KCTD2: variants seen among roughly 807,000 people sequenced by gnomAD.
KCTD2 encodes potassium channel tetramerization domain containing 2.
In KCTD2, 18 loss-of-function variants were observed where a neutral mutation model predicts 27.9. That is an observed-to-expected ratio of 0.64 (90% confidence interval 0.45 to 0.96). The LOEUF (loss-of-function observed/expected upper bound fraction) is 0.96. KCTD2 is among the 40% of genes least tolerant of loss of function. The probability of loss-of-function intolerance (pLI) is 0.00; values close to 1 mark genes in which losing one functional copy is unlikely to be tolerated. For missense variants in KCTD2, 280 were observed against 348.0 expected (o/e 0.80, Z 1.56); for synonymous variants, 175 against 148.4 (o/e 1.18, Z -1.30).
rs1395246420 is a variant in KCTD2, at chr17:75,063,388, A to G, written c.*341A>G. On this transcript the variant is annotated 3_prime_UTR_variant, in exon 6 of 6. Coordinates refer to ENST00000322444, the MANE Select transcript of KCTD2 (RefSeq NM_015353.3). ...GGGCGGAAGGCCTAGCTCCTTGGAA[A>G]TGGCCTGTACTTTAAGGACGCTGGA... 3.0e-6 allele frequency: 1 copy of G among 337,148 alleles called. No homozygotes were observed. 20.9% of individuals were successfully genotyped at this position (337,148 alleles called of 1,614,324 possible). A position where few individuals can be genotyped will look rare whatever the true frequency, so the allele number is the denominator to read the frequency against.
chr17:75,037,596 C>A (rs975852067), intron 3 of KCTD2, among the ~76,000 whole-genome samples: 1 of 152,208 alleles, frequency 6.6e-6, no homozygotes, highest in Non-Finnish European at 1.5e-5. Context: ...GGTCCTCTGA[C>A]TTTAAGGACA....
Position 75,047,314 on chromosome 17 carries a change from G to A in KCTD2, c.64G>A (p.Gly22Ser), listed in dbSNP as rs1598119572. ...GLGGGGGSGV[G>S]DGGGPVRGPP... ...GGGAGGGGGCGGCGGGAGTGGGGTG[G>A]GCGACGGGGGTGGCCCAGTCCGCGG... The change falls in exon 1 of 6, where the codon GGC becomes AGC. Residue 22 changes from glycine to serine, a missense_variant. Coordinates refer to ENST00000322444, the MANE Select transcript of KCTD2 (RefSeq NM_015353.3). 1 of 1,165,074 alleles carries A rather than the reference G, an allele frequency of 8.6e-7. No homozygotes were observed. Among genetic ancestry groups the A allele is most frequent in the Non-Finnish European group, 1.1e-6 (1 of 943,984 alleles). The allele number at this position is 1,165,074 out of a possible 1,614,324, so 72.2% of individuals were successfully genotyped here.
rs1345695810 is a variant in KCTD2 at position 75,047,442 on chromosome 17, G to A, written c.192G>A (p.Arg64=). ...PLEPGPGPPE[R]AGGGGAARWV... ...AGCCGGGTCCCGGACCACCCGAGCG[G>A]GCAGGGGGCGGCGGCGCGGCCCGCT... Residue 64 remains arginine (R), a synonymous_variant, in exon 1 of 6, where the codon CGG becomes CGA. Coordinates refer to ENST00000322444, the MANE Select transcript of KCTD2 (RefSeq NM_015353.3). The A allele has an allele frequency of 6.6e-7, 1 of 1,513,844 alleles. No homozygotes were observed. Among genetic ancestry groups the A allele is most frequent in the Non-Finnish European group, 8.8e-7 (1 of 1,131,332 alleles). The allele number at this position is 1,513,844 out of a possible 1,614,324, so 93.8% of individuals were successfully genotyped here. A position where few individuals can be genotyped will look rare whatever the true frequency, so the allele number is the denominator to read the frequency against.
Position 75,049,429 on chromosome 17 carries a change from G to A in KCTD2, c.448+101G>A, listed in dbSNP as rs1045550386. The A allele has an allele frequency of 1.2e-5, 9 of 732,006 alleles. No individual in the cohort carries two copies. In the Admixed American group the frequency reaches 2.0e-4, roughly 17 times the overall value. The allele number at this position is 732,006 out of a possible 1,614,324, so 45.3% of individuals were successfully genotyped here. The stretch of plus-strand genomic sequence containing the variant: ...TGTTTGACATTTTCATCAGGCGCAT[G>A]TGCAGGTATAGTTTCAGGTTTATGA... On this transcript the variant is annotated intron_variant, in intron 2 of 5. Transcript: ENST00000322444.
intron 3 of KCTD2, among the ~76,000 whole-genome samples, chr17:75,054,331 C>G (rs1337369640): frequency 6.6e-6 from 1 of 152,062 alleles, no homozygotes; most frequent in Non-Finnish European, 1.5e-5. Flanking sequence ...GATATTAACT[C>G]AGATACAGTA....
chr17:75,042,376 C>A, upstream of KCTD2: 1 of 1,494,366 alleles, frequency 6.7e-7, no homozygotes, highest in Non-Finnish European at 9.2e-7. Context: ...TGGAGGGTCA[C>A]CACACTTTCC....
chr17:75,040,432 T>C (rs2073147363), intron 3 of KCTD2: 1 of 439,312 alleles, frequency 2.3e-6, no homozygotes, highest in South Asian at 3.3e-5. Context: ...GATGATAAGC[T>C]TCATTTTCTT....
intron 2 of KCTD2, among the ~76,000 whole-genome samples, chr17:75,051,994 A>G (rs1321626601): frequency 6.6e-6 from 1 of 152,132 alleles, no homozygotes; most frequent in Non-Finnish European, 1.5e-5. Flanking sequence ...TTTGGCCCAC[A>G]TAAATTTGTA....
intron 3 of KCTD2, chr17:75,041,731 G>T (rs2073162917): frequency 6.5e-6 from 1 of 153,648 alleles, no homozygotes; most frequent in South Asian, 2.1e-4. Context: ...CATTTAACTT[G>T]AAAGCCCCCT....
At chr17:75,056,159 T>C (rs183368449) in intron 3 of KCTD2, among the ~76,000 whole-genome samples, 38 of 152,364 alleles carry the variant, frequency 2.5e-4, no homozygotes, top group African/African-American at 8.4e-4. Context: ...GGCTTATTCA[T>C]TTAGTTTTCT....
upstream of KCTD2, among the ~76,000 whole-genome samples, chr17:75,043,213 T>A (rs878896839): frequency 1.3e-5 from 2 of 151,628 alleles, no homozygotes; most frequent in African/African-American, 4.9e-5. Context: ...ACAGCAAGAG[T>A]CCGTCTCAAA....
chr17:75,042,020 C>G, intron 3 of KCTD2: 1 of 604,232 alleles, frequency 1.7e-6, no homozygotes, highest in Non-Finnish European at 2.9e-6. Context: ...ATTCCTGCAC[C>G]TATTTACAGT....
rs2073136549 is a variant in KCTD2, at chr17:75,039,507, G to A, written c.-259+4150G>A. On this transcript the variant is annotated intron_variant, in intron 3 of 7. Coordinates refer to the KCTD2 transcript ENST00000581589. ...TGGCAGCACCCGGCTGCTTCTGCAAGTTCCTCATCCGAAGACCTACAGAAT... is the reference window on the plus strand; with the variant it reads ...TGGCAGCACCCGGCTGCTTCTGCAAATTCCTCATCCGAAGACCTACAGAAT... The A allele has an allele frequency of 5.8e-6, 3 of 516,766 alleles. 1 individual carries two copies. The South Asian group carries it at 7.1e-5, about 12-fold the overall frequency. 32.0% of individuals were successfully genotyped at this position (516,766 alleles called of 1,614,324 possible).
At chr17:75,060,621 A>G (rs2073394893) in intron 4 of KCTD2, 3 of 1,590,520 alleles carry the variant, frequency 1.9e-6, no homozygotes, top group Admixed American at 3.5e-5. Context: ...CGCCAGGTTC[A>G]TGGCTGGGCG....
intron 2 of KCTD2, among the ~76,000 whole-genome samples, chr17:75,050,668 C>G (rs1282212740): frequency 6.6e-6 from 1 of 152,096 alleles, no homozygotes; most frequent in Admixed American, 6.5e-5. Context: ...ATTCAATTAC[C>G]CTCTTTTAGT....
intron 5 of KCTD2, 112 bp downstream of exon 5, chr17:75,062,357 C>T (rs1018843812): frequency 3.9e-6 from 4 of 1,037,870 alleles, no homozygotes; most frequent in African/African-American, 3.3e-5. Context: ...CTAGAGCCAG[C>T]GTTGCATTTT....
intron 2 of KCTD2, among the ~76,000 whole-genome samples, chr17:75,051,442 G>A (rs886433427): frequency 1.8e-4 from 28 of 151,512 alleles, no homozygotes; most frequent in African/African-American, 6.8e-4. Flanking sequence ...ATGCCACCAC[G>A]CCTGGCTAAT....
Position 75,063,089 on chromosome 17 carries a change from G to A in KCTD2, c.*42G>A. On this transcript the variant is annotated 3_prime_UTR_variant, in exon 6 of 6. Coordinates refer to ENST00000322444, the MANE Select transcript of KCTD2 (RefSeq NM_015353.3). Reference sequence around the variant, plus strand: ...CTCCAGACCTTCAGGAGAGCAGTCAGCAGAGCCCCTCTGTGAAGTGAAACC... The same window carrying A: ...CTCCAGACCTTCAGGAGAGCAGTCAACAGAGCCCCTCTGTGAAGTGAAACC... 1 of 1,592,156 alleles carries A rather than the reference G, an allele frequency of 6.3e-7. No homozygotes were observed. Among genetic ancestry groups the A allele is most frequent in the Non-Finnish European group, 8.6e-7 (1 of 1,160,878 alleles).
At chr17:75,051,115 AGGC>A (rs1387391012) in intron 2 of KCTD2, among the ~76,000 whole-genome samples, 1 of 150,758 alleles carries the variant, frequency 6.6e-6, no homozygotes, top group African/African-American at 2.4e-5. Context: ...CTGGGACTAT[AGGC>A]GCCCACCACC....
Sources: allele counts gnomAD v4.1 joint callset (sites outside exome capture counted in the v4.1 genomes callset), GRCh38; gene constraint gnomAD v4.1.1; transcripts MANE v1.5; gene names NCBI Gene and HGNC (gene_info 2026-07-23, HGNC 2026-07-21).